Variants in BDNF observed in about 807,000 individuals in gnomAD.
BDNF encodes the protein brain derived neurotrophic factor.
BDNF carries 1 observed loss-of-function variant against 19.5 expected under a neutral mutation model. The observed-to-expected ratio is 0.05, with a 90% CI of 0.02 to 0.24. The LOEUF is 0.24. Ranked by LOEUF, BDNF falls within the 10% of genes least tolerant of loss-of-function variation. The probability of loss-of-function intolerance (pLI) is 1.00; values close to 1 mark genes in which losing one functional copy is unlikely to be tolerated. For missense variants in BDNF, 195 were observed against 317.6 expected (o/e 0.61, Z 2.93); for synonymous variants, 100 against 121.6 (o/e 0.82, Z 1.17).
Position 27,698,611 on chromosome 11 carries a change from A to G in BDNF, c.-22+1553T>C, listed in dbSNP as rs186972821. Among the ~76,000 whole-genome samples, 59 of 152,284 alleles carry G rather than the reference A, an allele frequency of 3.9e-4. 1 individual carries two copies. Among genetic ancestry groups the G allele is most frequent in the Admixed American group, 3.8e-3 (58 of 15,300 alleles). On this transcript the variant is annotated intron_variant, in intron 1 of 1. Transcript: ENST00000356660. ...TTTTCCATAATAATAAAGGGGAGAG[A>G]GAGATTTTGCAGGATATTGAGTCAG...
chr11:27,674,604 T>A, intron 1 of BDNF: 1 of 985,192 alleles, frequency 1.0e-6, no homozygotes, highest in East Asian at 1.1e-4. Flanking sequence ...AAGATCCATA[T>A]GGCTGGCCAG....
upstream of BDNF, chr11:27,701,086 G>A: frequency 7.5e-7 from 1 of 1,326,416 alleles, no homozygotes; most frequent in South Asian, 1.2e-5. Flanking sequence ...CTTAAACAGA[G>A]TTCGCGCACT....
At chr11:27,699,254 G>T in intron 1 of BDNF, 1 of 1,272,052 alleles carries the variant, frequency 7.9e-7, no homozygotes, top group Non-Finnish European at 1.1e-6. Context: ...GCATCCTCCA[G>T]TTCACCCTCG....
At position 27,657,257 on chromosome 11, in the gene BDNF, A is replaced by C. The variant is rs1054930228; in HGVS notation, c.*564T>G. ...AACAAAACAAACAAACGAAAAAAAAACACAAAACAAACAAAAATATACCCC... is the reference window on the plus strand; with the variant it reads ...AACAAAACAAACAAACGAAAAAAAACCACAAAACAAACAAAAATATACCCC... On this transcript the variant is annotated 3_prime_UTR_variant, in exon 2 of 2. Coordinates refer to ENST00000356660, the MANE Select transcript of BDNF (RefSeq NM_001709.5). The surrounding 1 kb of genome is among the most constrained non-coding windows in gnomAD (Gnocchi z 5.0). The C allele has an allele frequency of 5.1e-6, 5 of 987,338 alleles. No individual in the cohort carries two copies. Among genetic ancestry groups the C allele is most frequent in the Non-Finnish European group, 6.0e-6 (5 of 831,022 alleles). The allele number at this position is 987,338 out of a possible 1,614,324, so 61.2% of individuals were successfully genotyped here. A position where few individuals can be genotyped will look rare whatever the true frequency, so the allele number is the denominator to read the frequency against.
Position 27,656,508 on chromosome 11 carries a change from C to G in BDNF, c.*1313G>C. On this transcript the variant is annotated 3_prime_UTR_variant, in exon 2 of 2. Coordinates refer to ENST00000356660, the MANE Select transcript of BDNF (RefSeq NM_001709.5). ...CCTTCGTTTTGGAATGTCTCAAATA[C>G]CATGCCCCACCTCCACCTAGACCTT... 1.0e-6 allele frequency: 1 copy of G among 979,404 alleles called. No homozygotes were observed. Among genetic ancestry groups the G allele is most frequent in the Non-Finnish European group, 1.2e-6 (1 of 824,128 alleles). 60.7% of individuals were successfully genotyped at this position (979,404 alleles called of 1,614,324 possible).
rs1313557454 is a variant in BDNF at position 27,669,592 on chromosome 11, A to T, written c.-21-11007T>A. The stretch of plus-strand genomic sequence containing the variant: ...TACAAAATCAATGTGCAAAAATCAC[A>T]AGCATTCCTATACACCAATAACAGA... On this transcript the variant is annotated intron_variant, in intron 1 of 1. Transcript: ENST00000356660. 2.0e-5 allele frequency among the ~76,000 whole-genome samples: 3 copies of T among 152,294 alleles called. No individual in the cohort carries two copies. In the East Asian group the frequency reaches 5.8e-4, roughly 29 times the overall value.
chr11:27,704,928 T>C (rs1339103817), upstream of BDNF, among the ~76,000 whole-genome samples: 5 of 152,162 alleles, frequency 3.3e-5, no homozygotes, highest in Non-Finnish European at 1.5e-5. Flanking sequence ...GGCATAGCCA[T>C]TAGTGGCAGA....
chr11:27,710,335 G>A (rs1040388788), intron 1 of BDNF, among the ~76,000 whole-genome samples: 2 of 152,184 alleles, frequency 1.3e-5, no homozygotes, highest in African/African-American at 4.8e-5. Flanking sequence ...GAGGAAGATG[G>A]ATGAAATAAA....
chr11:27,675,604 G>A (rs1855996617), intron 1 of BDNF: 2 of 152,036 alleles, frequency 1.3e-5, no homozygotes, highest in Admixed American at 1.3e-4. Context: ...TCAAAGCCTC[G>A]TGGTCTGACA....
Position 27,658,299 on chromosome 11 carries a change from A to G in BDNF, c.266T>C (p.Leu89Ser), listed in dbSNP as rs1590217373. 1 of 1,614,128 alleles carries G rather than the reference A, an allele frequency of 6.2e-7. No individual in the cohort carries two copies. Among genetic ancestry groups the G allele is most frequent in the Non-Finnish European group, 8.5e-7 (1 of 1,180,034 alleles). Residue 89 changes from leucine (L) to serine (S), a missense_variant, in exon 2 of 2, where the codon TTG becomes TCG. Transcript: ENST00000356660. This position sits in a 1 kb window ranked among gnomAD's most constrained non-coding sequence, Gnocchi z 5.7. ...PNEENNKDAD[L>S]YTSRVMLSSQ... ...ACTGAGCATCACCCTGGACGTGTAC[A>G]AGTCTGCGTCCTTATTGTTTTCTTC...
intron 1 of BDNF, among the ~76,000 whole-genome samples, chr11:27,663,039 TAAC>T (rs745997633): frequency 2.6e-5 from 4 of 152,344 alleles, no homozygotes; most frequent in East Asian, 3.9e-4. Context: ...TGGGAAGTAA[TAAC>T]AATAATAATA....
At chr11:27,659,064 T>G in intron 1 of BDNF, 1 of 1,029,466 alleles carries the variant, frequency 9.7e-7, no homozygotes, top group Non-Finnish European at 1.2e-6. Context: ...AGGGGTCTGA[T>G]GGGCCTTTCT....
chr11:27,671,147 G>C (rs1855300489), intron 1 of BDNF, among the ~76,000 whole-genome samples: 2 of 152,026 alleles, frequency 1.3e-5, no homozygotes, highest in Admixed American at 1.3e-4. Context: ...TCACACACTG[G>C]GACCTGTCAT....
intron 1 of BDNF, among the ~76,000 whole-genome samples, chr11:27,665,936 G>GAATATGATATCTGAGAATGGACA (rs1854232058): frequency 6.6e-6 from 1 of 152,190 alleles, no homozygotes; most frequent in Non-Finnish European, 1.5e-5. Flanking sequence ...TCCCAGCATG[G>GAATATGATATCTGAGAATGGACA]AATATGATAT....
At chr11:27,665,908 T>TA (rs1554935133) in intron 1 of BDNF, among the ~76,000 whole-genome samples, 1 of 152,130 alleles carries the variant, frequency 6.6e-6, no homozygotes, top group Non-Finnish European at 1.5e-5. Flanking sequence ...CTGACAGCTT[T>TA]GAAAAGAGTA....
At chr11:27,716,228 GGAAAAATTTTTTTGTT>G (rs1477952113) in intron 1 of BDNF, among the ~76,000 whole-genome samples, 1 of 151,990 alleles carries the variant, frequency 6.6e-6, no homozygotes, top group Admixed American at 6.6e-5. Flanking sequence ...GCCAAAAAGG[GGAAAAATTTTTTTGTT>G]GAAAAATTTA....
chr11:27,701,047 G>C, upstream of BDNF: 1 of 1,354,630 alleles, frequency 7.4e-7, no homozygotes, highest in Non-Finnish European at 9.8e-7. Flanking sequence ...GGGGGCTATT[G>C]GTTTACTCTG....
At chr11:27,719,907 C>T (rs1338041073) in intron 1 of BDNF, among the ~76,000 whole-genome samples, 3 of 151,988 alleles carry the variant, frequency 2.0e-5, no homozygotes, top group Non-Finnish European at 4.4e-5. Flanking sequence ...TCCACCTCCT[C>T]TCCCCACCGC....
chr11:27,689,687 G>GTTTAT (rs1370841381), intron 1 of BDNF, among the ~76,000 whole-genome samples: 1 of 152,106 alleles, frequency 6.6e-6, no homozygotes, highest in East Asian at 1.9e-4. Context: ...ATGCTACTAA[G>GTTTAT]TTTATTTTAT....
Sources: gnomAD v4.1 joint callset for allele counts (sites outside exome capture counted in the v4.1 genomes callset) on GRCh38, gnomAD v4.1.1 for gene constraint, Gnocchi (gnomAD v3.1) non-coding constraint, MANE v1.5 for transcripts, NCBI Gene and HGNC (gene_info 2026-07-23, HGNC 2026-07-21) for gene names.